The following ZDHHC15 variants were observed in gnomAD, a reference collection of about 807,000 sequenced individuals.
The protein encoded by ZDHHC15 is palmitoyltransferase ZDHHC15.
In ZDHHC15, 19 loss-of-function variants were observed where a neutral mutation model predicts 31.7. The ratio of observed to expected loss-of-function variants is 0.60; its 90% confidence interval spans 0.42 to 0.88. The LOEUF (loss-of-function observed/expected upper bound fraction) is 0.88. Among genes scored for constraint, ZDHHC15 ranks in the 40% least tolerant of loss-of-function variants. The pLI is 0.00. For missense variants in ZDHHC15, 209 were observed against 251.2 expected (o/e 0.83, Z 1.14); for synonymous variants, 103 against 90.0 (o/e 1.14, Z -0.82).
chrX:75,376,255 G>GT (rs765346931), intron 11 of ZDHHC15, among the ~76,000 whole-genome samples: 9 of 48,914 alleles, frequency 1.8e-4, no homozygotes, highest in South Asian at 6.9e-4. Flanking sequence ...TTTTAATGGG[G>GT]TTGTTTTTTT....
intron 10 of ZDHHC15, among the ~76,000 whole-genome samples, chrX:75,390,278 C>G (rs111622821): frequency 0.051 from 5,666 of 111,856 alleles, 162 homozygotes; most frequent in Admixed American, 0.1. Context: ...TGCCTGGAAC[C>G]TGGGGGAATT....
intron 1 of ZDHHC15, among the ~76,000 whole-genome samples, chrX:75,511,340 T>A: frequency 4.1e-5 from 1 of 24,250 alleles, no homozygotes; most frequent in African/African-American, 1.4e-4. Flanking sequence ...ATGATGAGCA[T>A]TTTTTCATGT....
At chrX:75,395,343 C>A (rs1221929593) in intron 10 of ZDHHC15, among the ~76,000 whole-genome samples, 1 of 111,209 alleles carries the variant, frequency 9.0e-6, no homozygotes, top group African/African-American at 3.3e-5. Flanking sequence ...ATCTGATAAA[C>A]AAATTCAGTC....
chrX:75,429,159 G>A lies in ZDHHC15; in HGVS notation c.522C>T (p.Phe174=), dbSNP rs764807908. The A allele has an allele frequency of 2.3e-5, 28 of 1,204,135 alleles. No individual in the cohort carries two copies. The South Asian group carries it at 4.7e-4, about 20-fold the overall frequency. The change falls in exon 7 of 12, where the codon TTC becomes TTT. Residue 174 remains phenylalanine (F), a synonymous_variant. Transcript: ENST00000373367. ...GAACAGAGTAAGCTAAGAATTGAAG[G>A]AAGAATTTGTAGTTGGAAAATCCAA... ...NCIGFSNYKF[F]LQFLAYSVLY...
At chrX:75,455,637 C>G (rs1430907072) in intron 3 of ZDHHC15, among the ~76,000 whole-genome samples, 1 of 111,782 alleles carries the variant, frequency 8.9e-6, no homozygotes, top group African/African-American at 3.2e-5. Flanking sequence ...GGGCTAATAT[C>G]CAGAATCTAC....
At position 75,504,944 on chromosome X, in the gene ZDHHC15, A is replaced by G. The variant is rs1398884389; in HGVS notation, c.163+877T>C. Among the ~76,000 whole-genome samples the G allele has an allele frequency of 4.5e-5, 5 of 111,343 alleles. No homozygotes were observed. The East Asian group carries it at 1.4e-3, about 31-fold the overall frequency. On this transcript the variant is annotated intron_variant, in intron 2 of 11. Coordinates refer to ENST00000373367, the MANE Select transcript of ZDHHC15 (RefSeq NM_144969.3). Reference sequence around the variant, plus strand: ...TTGACACTTCTATGTAACAGGTAGTATTATCATTTTTATTCTATACATGAA... The same window carrying G: ...TTGACACTTCTATGTAACAGGTAGTGTTATCATTTTTATTCTATACATGAA...
chrX:75,496,483 G>T (rs1424674313), intron 2 of ZDHHC15, among the ~76,000 whole-genome samples: 1 of 111,265 alleles, frequency 9.0e-6, no homozygotes, highest in Non-Finnish European at 1.9e-5. Context: ...ATGTATTTAA[G>T]CTATATACCC....
intron 10 of ZDHHC15, among the ~76,000 whole-genome samples, chrX:75,399,252 C>T (rs1042245303): frequency 8.9e-6 from 1 of 111,798 alleles, no homozygotes; most frequent in African/African-American, 3.3e-5. Context: ...CTCAGCAACT[C>T]CCTGGACAGA....
intron 3 of ZDHHC15, among the ~76,000 whole-genome samples, chrX:75,453,752 G>A (rs975619861): frequency 2.8e-4 from 31 of 110,935 alleles, no homozygotes; most frequent in African/African-American, 9.5e-4. Context: ...ATCAATAAAC[G>A]TAATCCATCA....
At chrX:75,440,099 G>A (rs2083917400) in intron 4 of ZDHHC15, among the ~76,000 whole-genome samples, 1 of 111,330 alleles carries the variant, frequency 9.0e-6, no homozygotes, top group Non-Finnish European at 1.9e-5. Flanking sequence ...ATTCTGTGAG[G>A]ATCCTTGACT....
intron 4 of ZDHHC15, among the ~76,000 whole-genome samples, chrX:75,438,409 T>G (rs2083892569): frequency 9.0e-6 from 1 of 110,697 alleles, no homozygotes; most frequent in South Asian, 3.9e-4. Context: ...TTTATCATTA[T>G]ATAATGTCCC....
chrX:75,460,425 T>C (rs753432153), intron 3 of ZDHHC15, among the ~76,000 whole-genome samples: 2 of 111,080 alleles, frequency 1.8e-5, no homozygotes, highest in African/African-American at 6.5e-5. Flanking sequence ...AAACCTGCTC[T>C]ACCAAAAAGC....
In ZDHHC15 at chrX:75,429,260, T is replaced by C. The variant is rs1413083284; in HGVS notation, c.483-62A>G. The C allele has an allele frequency of 1.2e-5, 13 of 1,122,634 alleles. No individual in the cohort carries two copies. The South Asian group carries it at 2.8e-4, about 24-fold the overall frequency. The allele number at this position is 1,122,634 out of a possible 1,213,427, so 92.5% of individuals were successfully genotyped here. A position where few individuals can be genotyped will look rare whatever the true frequency, so the allele number is the denominator to read the frequency against. ...TCTTGATTGAGAGCACACTGATACA[T>C]AAGTGAACTAAGCAATGGAATAATG... On this transcript the variant is annotated intron_variant, in intron 6 of 11. Transcript: ENST00000373367.
chrX:75,409,183 A>T (rs1172024538), intron 10 of ZDHHC15, among the ~76,000 whole-genome samples: 3 of 111,721 alleles, frequency 2.7e-5, no homozygotes, highest in African/African-American at 9.8e-5. Context: ...GCACCACACT[A>T]CCTAATTTCA....
chrX:75,420,315 G>C (rs1602595613), intron 9 of ZDHHC15, among the ~76,000 whole-genome samples: 1 of 111,477 alleles, frequency 9.0e-6, no homozygotes, highest in African/African-American at 3.3e-5. Context: ...ACAGATGCTG[G>C]TGAGGATGTG....
In ZDHHC15 at chrX:75,449,540, C is replaced by T. The variant is rs575414035; in HGVS notation, c.379+1262G>A. Among the ~76,000 whole-genome samples the T allele has an allele frequency of 3.6e-5, 4 of 111,797 alleles. No individual in the cohort carries two copies. The South Asian group carries it at 1.5e-3, about 42-fold the overall frequency. On this transcript the variant is annotated intron_variant, in intron 4 of 11. Coordinates refer to ENST00000373367, the MANE Select transcript of ZDHHC15 (RefSeq NM_144969.3). ...TTTAAACAAATCCCAAACACTGTGTCACTTCAAACCATAAATATTTCCATA... is the reference window on the plus strand; with the variant it reads ...TTTAAACAAATCCCAAACACTGTGTTACTTCAAACCATAAATATTTCCATA...
At chrX:75,494,175 C>A (rs372803248) in intron 2 of ZDHHC15, among the ~76,000 whole-genome samples, 1 of 111,120 alleles carries the variant, frequency 9.0e-6, no homozygotes, top group African/African-American at 3.3e-5. Context: ...AGTGAACTCC[C>A]ATTCATAATT....
chrX:75,474,265 C>T (rs773659834), intron 3 of ZDHHC15, among the ~76,000 whole-genome samples: 1 of 109,484 alleles, frequency 9.1e-6, no homozygotes, highest in Non-Finnish European at 1.9e-5. Context: ...ACTGGCCTAG[C>T]CTCCAAGCCT....
At chrX:75,405,358 A>G (rs922036613) in intron 10 of ZDHHC15, among the ~76,000 whole-genome samples, 1 of 110,963 alleles carries the variant, frequency 9.0e-6, no homozygotes, top group African/African-American at 3.3e-5. Context: ...AGAAACCTTC[A>G]CGTGTACCAC....
Sources: allele counts gnomAD v4.1 joint callset (sites outside exome capture counted in the v4.1 genomes callset), GRCh38; gene constraint gnomAD v4.1.1; transcripts MANE v1.5; gene names NCBI Gene and HGNC (gene_info 2026-07-23, HGNC 2026-07-21).